PTPRZ1: variants seen among roughly 807,000 people sequenced by gnomAD.
PTPRZ1 encodes the protein receptor-type tyrosine-protein phosphatase zeta.
PTPRZ1 carries 82 observed loss-of-function variants against 214.1 expected under a neutral mutation model. The observed-to-expected ratio is 0.38, with a 90% CI of 0.32 to 0.46. The LOEUF is 0.46. PTPRZ1 is among the 20% of genes least tolerant of loss of function. The pLI, the probability that PTPRZ1 is intolerant of heterozygous loss-of-function variation, is 1.00. For missense variants in PTPRZ1, 2,603 were observed against 2,748.7 expected (o/e 0.95, Z 1.19); for synonymous variants, 945 against 987.9 (o/e 0.96, Z 0.81).
chr7:121,889,707 C>G (rs2116207126), intron 1 of PTPRZ1, among the ~76,000 whole-genome samples: 1 of 152,146 alleles, frequency 6.6e-6, no homozygotes, highest in South Asian at 2.1e-4. Flanking sequence ...CTCTCCTGTC[C>G]TTTGCTCCTG....
At chr7:121,945,525 C>G (rs1163446414) in intron 2 of PTPRZ1, among the ~76,000 whole-genome samples, 1 of 152,012 alleles carries the variant, frequency 6.6e-6, no homozygotes, top group Non-Finnish European at 1.5e-5. Context: ...TCCTCAGACT[C>G]AATATTCCCC....
chr7:121,905,854 C>T (rs1163155296), intron 1 of PTPRZ1, among the ~76,000 whole-genome samples: 1 of 152,112 alleles, frequency 6.6e-6, no homozygotes, highest in African/African-American at 2.4e-5. Context: ...CTTTCTTTTA[C>T]AGTTTTGCTC....
chr7:121,942,247 A>G (rs1371102824), intron 2 of PTPRZ1, among the ~76,000 whole-genome samples: 2 of 152,230 alleles, frequency 1.3e-5, no homozygotes, highest in African/African-American at 2.4e-5. Flanking sequence ...TTGATTGACA[A>G]TGTTACTGAC....
intron 8 of PTPRZ1, 124 bp downstream of exon 8, chr7:121,984,241 G>A (rs1033205715): frequency 2.3e-6 from 2 of 851,804 alleles, no homozygotes; most frequent in Admixed American, 6.8e-5. Context: ...TAATTTTGTA[G>A]CTTTAGATAA....
chr7:122,038,869 A>G lies in PTPRZ1; in HGVS notation c.5482A>G (p.Asn1828Asp). 6.2e-7 allele frequency: 1 copy of G among 1,613,954 alleles called. No individual in the cohort carries two copies. The highest frequency in any genetic ancestry group is 1.1e-5 in the South Asian group (1 of 91,072). The stretch of plus-strand genomic sequence containing the variant: ...TGTGGAAGTTATTGTCATGATAACA[A>G]ACCTCGTGGAGAAAGGAAGGGTATG... ...HNVEVIVMIT[N>D]LVEKGRRKCD... The change falls in exon 19 of 30, where the codon AAC becomes GAC. Residue 1828 changes from asparagine to aspartate, a missense_variant. Transcript: ENST00000393386.
At chr7:121,976,886 T>A in intron 6 of PTPRZ1, 35 bp downstream of exon 6, 1 of 1,572,398 alleles carries the variant, frequency 6.4e-7, no homozygotes, top group Admixed American at 1.7e-5. Context: ...TCTTCAGGAT[T>A]CTGCTTTGGA....
chr7:122,032,806 A>G (rs533948697), intron 15 of PTPRZ1, among the ~76,000 whole-genome samples: 6 of 152,320 alleles, frequency 3.9e-5, no homozygotes, highest in Admixed American at 3.3e-4. Context: ...GCTACATTGA[A>G]TAAGAAAGCA....
At chr7:121,994,707 G>C (rs1369667353) in intron 8 of PTPRZ1, among the ~76,000 whole-genome samples, 2 of 152,114 alleles carry the variant, frequency 1.3e-5, no homozygotes, top group Non-Finnish European at 2.9e-5. Context: ...ATAGAAACGT[G>C]AATAGCTCAC....
At chr7:121,921,845 A>G (rs1400972001) in intron 1 of PTPRZ1, among the ~76,000 whole-genome samples, 1 of 152,230 alleles carries the variant, frequency 6.6e-6, no homozygotes, top group Non-Finnish European at 1.5e-5. Context: ...GTTAACAGTA[A>G]GTGCAATGTT....
chr7:121,881,358 C>G (rs1794233081), intron 1 of PTPRZ1, among the ~76,000 whole-genome samples: 1 of 152,180 alleles, frequency 6.6e-6, no homozygotes, highest in African/African-American at 2.4e-5. Context: ...GTAGCCCAAG[C>G]TGACTATGCA....
chr7:121,881,623 GA>G (rs1794240607), intron 1 of PTPRZ1, among the ~76,000 whole-genome samples: 1 of 152,194 alleles, frequency 6.6e-6, no homozygotes, highest in Admixed American at 6.5e-5. Context: ...AAAGGTCCTG[GA>G]AATTTTCCCT....
chr7:121,984,186 C>G, intron 8 of PTPRZ1, 69 bp downstream of exon 8: 6 of 1,385,912 alleles, frequency 4.3e-6, no homozygotes, highest in Non-Finnish European at 5.9e-6. Flanking sequence ...TTTTGGTAAA[C>G]TGACAAATAT....
intron 15 of PTPRZ1, among the ~76,000 whole-genome samples, chr7:122,033,355 C>G (rs1799438926): frequency 6.6e-6 from 1 of 151,546 alleles, no homozygotes; most frequent in African/African-American, 2.4e-5. Flanking sequence ...TTTTGGTTAT[C>G]TACTTTCTCA....
intron 1 of PTPRZ1, among the ~76,000 whole-genome samples, chr7:121,923,771 A>G (rs1161248860): frequency 2.6e-5 from 4 of 151,960 alleles, no homozygotes; most frequent in Non-Finnish European, 1.5e-5. Flanking sequence ...CAAAACTTTG[A>G]TTTCCTTTAC....
chr7:122,060,386 C>G (rs1009894721), intron 29 of PTPRZ1, among the ~76,000 whole-genome samples: 5 of 152,206 alleles, frequency 3.3e-5, no homozygotes, highest in African/African-American at 1.2e-4. Flanking sequence ...TAATTATGCA[C>G]TGCGTCACAT....
intron 14 of PTPRZ1, among the ~76,000 whole-genome samples, chr7:122,029,381 A>G (rs1307372052): frequency 6.6e-6 from 1 of 152,030 alleles, no homozygotes; most frequent in Non-Finnish European, 1.5e-5. Flanking sequence ...CAAGGGGTGC[A>G]TGTGCAGGTT....
chr7:121,892,289 C>T (rs1794655442), intron 1 of PTPRZ1, among the ~76,000 whole-genome samples: 1 of 152,014 alleles, frequency 6.6e-6, no homozygotes, highest in African/African-American at 2.4e-5. Flanking sequence ...TCTTACAAAA[C>T]ATATGGTCCC....
At chr7:122,041,984 A>G (rs1241556996) in intron 21 of PTPRZ1, among the ~76,000 whole-genome samples, 1 of 152,218 alleles carries the variant, frequency 6.6e-6, no homozygotes, top group African/African-American at 2.4e-5. Flanking sequence ...AGCACTTCCT[A>G]CTTGTCGGAA....
chr7:122,058,954 G>A lies in PTPRZ1; in HGVS notation c.6671+12G>A. ...ATTGTTCATGATGAGTAAGTTCCAT[G>A]TGTTAGATGGTTTCACACCTGCACA... On this transcript the variant is annotated intron_variant, in intron 28 of 29. Coordinates refer to ENST00000393386, the MANE Select transcript of PTPRZ1 (RefSeq NM_002851.3). The A allele has an allele frequency of 6.4e-7, 1 of 1,567,312 alleles. No individual in the cohort carries two copies.
Sources: allele counts gnomAD v4.1 joint callset (sites outside exome capture counted in the v4.1 genomes callset), GRCh38; gene constraint gnomAD v4.1.1; transcripts MANE v1.5; gene names NCBI Gene and HGNC (gene_info 2026-07-23, HGNC 2026-07-21).